Variants in GPC3 observed in about 807,000 individuals in gnomAD.
GPC3 encodes glypican 3, also known as glypican-3.
Under a neutral mutation model 34.4 loss-of-function variants are expected in GPC3, and 3 were observed. The observed-to-expected ratio is 0.09, with a 90% CI of 0.04 to 0.23. The LOEUF is 0.23. GPC3 is among the 10% of genes least tolerant of loss of function. The pLI, the probability that GPC3 is intolerant of heterozygous loss-of-function variation, is 1.00. For synonymous variants in GPC3, 177 were observed against 174.0 expected, an observed-to-expected ratio of 1.02 and a Z score of -0.13; for missense variants, 351 against 445.6, an observed-to-expected ratio of 0.79 and a Z score of 1.91.
intron 5 of GPC3, among the ~76,000 whole-genome samples, chrX:133,689,041 G>T (rs747455651): frequency 9.0e-6 from 1 of 110,955 alleles, no homozygotes; most frequent in Non-Finnish European, 1.9e-5. Flanking sequence ...TAACCAAGAA[G>T]GAGTCACTTC....
intron 3 of GPC3, among the ~76,000 whole-genome samples, chrX:133,708,838 T>C (rs1485975211): frequency 8.9e-6 from 1 of 112,095 alleles, no homozygotes; most frequent in Non-Finnish European, 1.9e-5. Context: ...TCTCTGGTAT[T>C]TAAAAATAAT....
intron 7 of GPC3, among the ~76,000 whole-genome samples, chrX:133,596,074 G>T (rs937086636): frequency 4.5e-5 from 5 of 111,518 alleles, no homozygotes; most frequent in Non-Finnish European, 9.4e-5. Flanking sequence ...TGTCATGGGG[G>T]TTTATGGTAC....
chrX:133,924,189 G>A lies in GPC3; in HGVS notation c.337+28861C>T, dbSNP rs182171182. Among the ~76,000 whole-genome samples, 340 of 111,428 alleles carry A rather than the reference G, an allele frequency of 3.1e-3. 1 individual carries two copies. The highest frequency in any genetic ancestry group is 0.01 in the African/African-American group (319 of 30,714). On this transcript the variant is annotated intron_variant, in intron 2 of 7. Coordinates refer to ENST00000370818, the MANE Select transcript of GPC3 (RefSeq NM_004484.4). The stretch of plus-strand genomic sequence containing the variant: ...CAGGGCTGCAATTGAAATTCCAGTC[G>A]CTTTTAGAAAATGCTCAACACTTTT...
In GPC3 at chrX:133,929,068, T is replaced by C. The variant is rs138075744; in HGVS notation, c.337+23982A>G. 4.3e-4 allele frequency among the ~76,000 whole-genome samples: 48 copies of C among 112,417 alleles called. No individual in the cohort carries two copies. In the East Asian group the frequency reaches 0.011, roughly 26 times the overall value. On this transcript the variant is annotated intron_variant, in intron 2 of 7. Coordinates refer to ENST00000370818, the MANE Select transcript of GPC3 (RefSeq NM_004484.4). ...CCTATGTTTTCTTCTAAAAGGTTTA[T>C]GGTTTCAGGTCTTACTTTTAGGTCT...
chrX:133,903,709 G>A (rs1195420872), intron 2 of GPC3, among the ~76,000 whole-genome samples: 2 of 112,409 alleles, frequency 1.8e-5, no homozygotes, highest in Non-Finnish European at 1.9e-5. Flanking sequence ...TGGCAGAGAA[G>A]GAAAGGGGAA....
chrX:133,656,453 C>T (rs1228637079), intron 6 of GPC3, among the ~76,000 whole-genome samples: 2 of 111,831 alleles, frequency 1.8e-5, no homozygotes, highest in Non-Finnish European at 3.8e-5. Context: ...TTCTAATGCC[C>T]ACAGTTTCTT....
In GPC3 at chrX:133,654,538, C is replaced by G. The variant is rs987527392; in HGVS notation, c.1413+7192G>C. ...ACCAGCCTGGCCAACATGGTGAAACCCTGTCTCTACTAAAAATACAAAAAT... is the reference window on the plus strand; with the variant it reads ...ACCAGCCTGGCCAACATGGTGAAACGCTGTCTCTACTAAAAATACAAAAAT... On this transcript the variant is annotated intron_variant, in intron 6 of 7. Transcript: ENST00000370818. Among the ~76,000 whole-genome samples the G allele has an allele frequency of 7.2e-5, 8 of 110,390 alleles. No homozygotes were observed. The East Asian group carries it at 2.3e-3, about 31-fold the overall frequency.
chrX:133,758,669 C>A (rs776313017), intron 2 of GPC3, among the ~76,000 whole-genome samples: 1 of 110,609 alleles, frequency 9.0e-6, no homozygotes, highest in African/African-American at 3.3e-5. Context: ...TATAACAAAC[C>A]TACACATCCT....
At chrX:133,839,497 A>G (rs1049773914) in intron 2 of GPC3, among the ~76,000 whole-genome samples, 6 of 111,670 alleles carry the variant, frequency 5.4e-5, no homozygotes, top group African/African-American at 2.0e-4. Context: ...ATAAAGTTGA[A>G]GGGAAAAAAG....
intron 3 of GPC3, among the ~76,000 whole-genome samples, chrX:133,717,480 T>C (rs1301032837): frequency 1.8e-5 from 2 of 111,539 alleles, no homozygotes; most frequent in African/African-American, 6.5e-5. Context: ...ATGTTATCTA[T>C]AGATTACAGA....
intron 2 of GPC3, among the ~76,000 whole-genome samples, chrX:133,926,140 C>T (rs1232278416): frequency 9.0e-6 from 1 of 111,523 alleles, no homozygotes; most frequent in African/African-American, 3.3e-5. Context: ...ATGGAACCAC[C>T]TCCCTAATTT....
At chrX:133,695,721 C>G (rs1417404655) in intron 4 of GPC3, among the ~76,000 whole-genome samples, 1 of 111,766 alleles carries the variant, frequency 8.9e-6, no homozygotes, top group Non-Finnish European at 1.9e-5. Flanking sequence ...TGTTTTCTTT[C>G]TCATTGTAAA....
chrX:133,590,970 G>A (rs765382710), intron 7 of GPC3, among the ~76,000 whole-genome samples: 1 of 111,772 alleles, frequency 8.9e-6, no homozygotes, highest in African/African-American at 3.3e-5. Context: ...TGGAGAAACT[G>A]ACTTTTCAAA....
intron 7 of GPC3, among the ~76,000 whole-genome samples, chrX:133,563,857 G>C (rs1361113107): frequency 8.9e-6 from 1 of 111,966 alleles, no homozygotes; most frequent in East Asian, 2.8e-4. Flanking sequence ...TTGTGAGAAG[G>C]GGTGGGGCCC....
At chrX:133,670,526 A>G (rs1300657941) in intron 5 of GPC3, among the ~76,000 whole-genome samples, 2 of 111,688 alleles carry the variant, frequency 1.8e-5, no homozygotes. Flanking sequence ...TGATTTCACA[A>G]AAGTTTAATA....
At chrX:133,732,729 T>C (rs1178733862) in intron 3 of GPC3, among the ~76,000 whole-genome samples, 1 of 111,519 alleles carries the variant, frequency 9.0e-6, no homozygotes, top group Non-Finnish European at 1.9e-5. Context: ...CTGTAGAGGA[T>C]CTAAATCACC....
chrX:133,857,337 C>T (rs2075908411), intron 2 of GPC3, among the ~76,000 whole-genome samples: 1 of 112,500 alleles, frequency 8.9e-6, no homozygotes, highest in African/African-American at 3.2e-5. Flanking sequence ...GTTTAATTAA[C>T]TTGGATATGA....
chrX:133,908,342 T>C (rs767914378), intron 2 of GPC3, among the ~76,000 whole-genome samples: 1 of 111,448 alleles, frequency 9.0e-6, no homozygotes, highest in Non-Finnish European at 1.9e-5. Context: ...TGTCCCATGC[T>C]AGGTCTTGTG....
intron 7 of GPC3, among the ~76,000 whole-genome samples, chrX:133,536,762 C>T (rs770327274): frequency 1.8e-5 from 2 of 110,923 alleles, no homozygotes; most frequent in East Asian, 5.7e-4. Flanking sequence ...GCTGTGGGTT[C>T]CCAGTGTACG....
Sources: gnomAD v4.1 joint callset for allele counts (sites outside exome capture counted in the v4.1 genomes callset) on GRCh38, gnomAD v4.1.1 for gene constraint, MANE v1.5 for transcripts, NCBI Gene and HGNC (gene_info 2026-07-23, HGNC 2026-07-21) for gene names.